The following LZTS1 variants were observed in gnomAD, a reference collection of about 807,000 sequenced individuals.
The protein encoded by LZTS1 is leucine zipper putative tumor suppressor 1.
A neutral mutation model predicts 45.8 loss-of-function variants in LZTS1; 31 were observed. The ratio of observed to expected loss-of-function variants is 0.68; its 90% CI spans 0.51 to 0.91. The LOEUF (loss-of-function observed/expected upper bound fraction) is 0.91, where lower values mean the gene tolerates loss of function less well. LZTS1 is among the 40% of genes least tolerant of loss of function. The pLI is 0.00. For missense variants in LZTS1, 821 were observed against 788.9 expected, an observed-to-expected ratio of 1.04 and a Z score of -0.49; for synonymous variants, 359 against 357.3, an observed-to-expected ratio of 1.00 and a Z score of -0.05.
intron 1 of LZTS1, among the ~76,000 whole-genome samples, chr8:20,287,604 G>C (rs147325351): frequency 6.6e-6 from 1 of 152,236 alleles, no homozygotes; most frequent in Non-Finnish European, 1.5e-5. Context: ...AGTCCAGAGA[G>C]AGAAGAGTGA....
chr8:20,254,407 C>G (rs1025645604), intron 2 of LZTS1, among the ~76,000 whole-genome samples: 1 of 152,212 alleles, frequency 6.6e-6, no homozygotes, highest in African/African-American at 2.4e-5. Flanking sequence ...GAGAAGACCG[C>G]ACCCACCCCC....
intron 1 of LZTS1, among the ~76,000 whole-genome samples, chr8:20,266,498 C>T (rs530366379): frequency 6.6e-6 from 1 of 152,228 alleles, no homozygotes; most frequent in African/African-American, 2.4e-5. Flanking sequence ...CTGGTTTTCA[C>T]TCAAACATTC....
intron 1 of LZTS1, among the ~76,000 whole-genome samples, chr8:20,303,374 C>G (rs1045422888): frequency 6.6e-6 from 1 of 152,166 alleles, no homozygotes; most frequent in African/African-American, 2.4e-5. Flanking sequence ...CCTCGCGTCC[C>G]CACCTCCCAC....
intron 1 of LZTS1, among the ~76,000 whole-genome samples, chr8:20,291,451 T>G (rs1374081803): frequency 6.6e-6 from 1 of 152,218 alleles, no homozygotes; most frequent in African/African-American, 2.4e-5. Flanking sequence ...TCTACTATGC[T>G]TCATGTGCTT....
chr8:20,298,308 C>T (rs997630709), intron 1 of LZTS1, among the ~76,000 whole-genome samples: 1 of 152,106 alleles, frequency 6.6e-6, no homozygotes, highest in African/African-American at 2.4e-5. Context: ...ATGATAAGCC[C>T]ACCTCAGTCT....
rs186415106 is a variant in LZTS1, at chr8:20,281,525, C to T, written c.-135+22215G>A. 1.9e-3 allele frequency among the ~76,000 whole-genome samples: 295 copies of T among 152,232 alleles called. 1 individual carries two copies. The highest frequency in any genetic ancestry group is 3.4e-3 in the Non-Finnish European group (234 of 68,016). On this transcript the variant is annotated intron_variant, in intron 1 of 3. Transcript: ENST00000381569. ...GGCAGAAGTTGCAGTGAGCCAAGAT[C>T]GCACCATTGCACTCCAGCCTGGGCA... is the stretch of plus-strand genomic sequence containing the variant.
At chr8:20,265,671 T>G (rs1800338668) in intron 1 of LZTS1, among the ~76,000 whole-genome samples, 1 of 38,956 alleles carries the variant, frequency 2.6e-5, no homozygotes, top group Non-Finnish European at 5.5e-5. Context: ...AGAGAGACTC[T>G]GTCTCAAAAA....
At position 20,286,459 on chromosome 8, in the gene LZTS1, C is replaced by T. The variant is rs549419725; in HGVS notation, c.-135+17281G>A. On this transcript the variant is annotated intron_variant, in intron 1 of 3. Transcript: ENST00000381569. ...GTTAAAATCATAATTAAATACCTAC[C>T]GCTAGGCCACTATTCAATGGTAAAA... Among the ~76,000 whole-genome samples the T allele has an allele frequency of 5.3e-5, 8 of 152,244 alleles. 1 individual carries two copies. The highest frequency in any genetic ancestry group is 2.6e-4 in the Admixed American group (4 of 15,296).
At chr8:20,271,396 C>T (rs1800472547) in intron 1 of LZTS1, among the ~76,000 whole-genome samples, 1 of 152,182 alleles carries the variant, frequency 6.6e-6, no homozygotes. Flanking sequence ...AAGCCCAGGG[C>T]TCCTGCAGTG....
chr8:20,300,374 CCAG>C (rs1801054089), intron 1 of LZTS1, among the ~76,000 whole-genome samples: 2 of 152,114 alleles, frequency 1.3e-5, no homozygotes, highest in South Asian at 4.2e-4. Context: ...TCTCTGTTGC[CCAG>C]ACTGGAGTGC....
chr8:20,302,792 G>C (rs1283568342), intron 1 of LZTS1, among the ~76,000 whole-genome samples: 2 of 152,204 alleles, frequency 1.3e-5, no homozygotes, highest in African/African-American at 4.8e-5. Flanking sequence ...TCTTATTCCT[G>C]GGAAATTGAA....
chr8:20,280,534 C>T (rs1329342530), intron 1 of LZTS1, among the ~76,000 whole-genome samples: 1 of 152,178 alleles, frequency 6.6e-6, no homozygotes, highest in Non-Finnish European at 1.5e-5. Context: ...TGTTCAGACC[C>T]CATGTCCCAT....
chr8:20,293,314 C>T lies in LZTS1; in HGVS notation c.-135+10426G>A, dbSNP rs565092184. ...TGAGTATGCAAGGTGGGTGTGCAAG[C>T]GCCTCCTCAATCTGACTCCAACGTG... On this transcript the variant is annotated intron_variant, in intron 1 of 3. Transcript: ENST00000381569. Among the ~76,000 whole-genome samples the T allele has an allele frequency of 2.6e-5, 4 of 152,230 alleles. No individual in the cohort carries two copies. The East Asian group carries it at 7.7e-4, about 29-fold the overall frequency.
intron 1 of LZTS1, among the ~76,000 whole-genome samples, chr8:20,286,699 G>A (rs140438437): frequency 6.6e-5 from 10 of 152,172 alleles, no homozygotes; most frequent in South Asian, 4.1e-4. Flanking sequence ...AGTTTTGTGC[G>A]TAAGAGTCCC....
intron 1 of LZTS1, among the ~76,000 whole-genome samples, chr8:20,302,240 C>A (rs1801093256): frequency 6.6e-6 from 1 of 152,086 alleles, no homozygotes; most frequent in Non-Finnish European, 1.5e-5. Flanking sequence ...AAAGAGCCTC[C>A]AAAGAAAAGC....
At chr8:20,256,060 C>CAAAAAAAAAA (rs386412254) in intron 1 of LZTS1, among the ~76,000 whole-genome samples, 3 of 56,454 alleles carry the variant, frequency 5.3e-5, no homozygotes, top group Non-Finnish European at 9.6e-5. Context: ...GGGCCTGACT[C>CAAAAAAAAAA]AAAAAAAAAA....
rs73604002 is a variant in LZTS1, at chr8:20,248,895, C to T, written c.*827G>A. 0.059 allele frequency: 9,060 copies of T among 152,668 alleles called. 505 individuals carry two copies. Among genetic ancestry groups the T allele is most frequent in the African/African-American group, 0.15 (6,212 of 41,476 alleles). 9.5% of individuals were successfully genotyped at this position (152,668 alleles called of 1,614,324 possible). A position where few individuals can be genotyped will look rare whatever the true frequency, so the allele number is the denominator to read the frequency against. On this transcript the variant is annotated 3_prime_UTR_variant, in exon 4 of 4. Transcript: ENST00000381569. The stretch of plus-strand genomic sequence containing the variant: ...CTGGAAAGCCACACCCTCTGGTTCA[C>T]GGTGGTTTCAACCCTCCCTTCCCAG...
At chr8:20,261,296 G>A (rs1370095511) in intron 1 of LZTS1, among the ~76,000 whole-genome samples, 1 of 152,158 alleles carries the variant, frequency 6.6e-6, no homozygotes, top group African/African-American at 2.4e-5. Context: ...TAGACCTTAA[G>A]AGAAGAGAGA....
At chr8:20,294,669 A>T (rs1189144247) in intron 1 of LZTS1, among the ~76,000 whole-genome samples, 1 of 152,096 alleles carries the variant, frequency 6.6e-6, no homozygotes, top group Non-Finnish European at 1.5e-5. Flanking sequence ...CTCCCCTTGC[A>T]CTGTGGAAAT....
Sources: gnomAD v4.1 joint callset for allele counts (sites outside exome capture counted in the v4.1 genomes callset) on GRCh38, gnomAD v4.1.1 for gene constraint, MANE v1.5 for transcripts, NCBI Gene and HGNC (gene_info 2026-07-23, HGNC 2026-07-21) for gene names.